The following DST variants were observed in gnomAD, a reference collection of about 807,000 sequenced individuals.
DST encodes the protein dystonin, also known as bullous pemphigoid antigen.
A neutral mutation model predicts 875.2 loss-of-function variants in DST; 253 were observed. The ratio of observed to expected loss-of-function variants is 0.29; its 90% confidence interval spans 0.26 to 0.32. The LOEUF (loss-of-function observed/expected upper bound fraction) is 0.32. DST is among the 10% of genes least tolerant of loss of function. The probability of loss-of-function intolerance (pLI) is 1.00; values close to 1 mark genes in which losing one functional copy is unlikely to be tolerated. For missense variants in DST, 8,287 were observed against 9,111.6 expected (o/e 0.91, Z 3.68); for synonymous variants, 3,124 against 3,197.1 (o/e 0.98, Z 0.77).
chr6:56,867,318 T>C (rs775787314), intron 3 of DST, among the ~76,000 whole-genome samples: 7 of 152,232 alleles, frequency 4.6e-5, no homozygotes, highest in African/African-American at 1.2e-4. Context: ...GCCTGACTCA[T>C]AGGAAGTGCT....
intron 55 of DST, among the ~76,000 whole-genome samples, 171 bp from the exon 56 acceptor site, chr6:56,562,371 T>A (rs867784040): frequency 6.6e-6 from 1 of 152,042 alleles, no homozygotes; most frequent in African/African-American, 2.4e-5. Flanking sequence ...TCCTCTCTTC[T>A]ATGTAAAATT....
At chr6:56,800,454 T>G (rs2099745357) in intron 4 of DST, among the ~76,000 whole-genome samples, 1 of 152,190 alleles carries the variant, frequency 6.6e-6, no homozygotes. Context: ...TTTAGTTTGT[T>G]TCTGAAGTTT....
intron 97 of DST, among the ~76,000 whole-genome samples, chr6:56,469,613 AAT>A (rs539477547): frequency 1.3e-5 from 2 of 152,126 alleles, no homozygotes; most frequent in Non-Finnish European, 2.9e-5. Flanking sequence ...AAGCAACCTA[AAT>A]ATATGAGATT....
Position 56,630,323 on chromosome 6 carries a change from G to C in DST, c.4203C>G (p.Leu1401=). The change falls in exon 31 of 104, where the codon CTC becomes CTG. Residue 1401 remains leucine, a synonymous_variant. Coordinates refer to ENST00000680361, the MANE Select transcript of DST (RefSeq NM_001374736.1). ...NTQAAEALVK[L]YETKLCEEEA... Reference sequence around the variant, plus strand: ...CTTCTTCACACAGTTTAGTTTCATAGAGTTTTACGAGGGCTTCTGCAGCTT... The same window carrying C: ...CTTCTTCACACAGTTTAGTTTCATACAGTTTTACGAGGGCTTCTGCAGCTT... 3 of 1,612,432 alleles carry C rather than the reference G, an allele frequency of 1.9e-6. No homozygotes were observed. The highest frequency in any genetic ancestry group is 2.5e-6 in the Non-Finnish European group (3 of 1,179,418).
intron 9 of DST, chr6:56,692,644 G>A (rs563862210): frequency 1.6e-6 from 2 of 1,289,654 alleles, no homozygotes; most frequent in African/African-American, 1.5e-5. Context: ...TTCCTGGAAT[G>A]TTATTTCGCT....
At chr6:56,587,768 A>T (rs1473210777) in intron 49 of DST, among the ~76,000 whole-genome samples, 1 of 152,102 alleles carries the variant, frequency 6.6e-6, no homozygotes, top group Non-Finnish European at 1.5e-5. Flanking sequence ...AACATTCTTA[A>T]AGAAAAGAAT....
chr6:56,465,104 T>C (rs1277257173), intron 99 of DST, among the ~76,000 whole-genome samples: 1 of 152,178 alleles, frequency 6.6e-6, no homozygotes, highest in Non-Finnish European at 1.5e-5. Context: ...CTCGCAGGTG[T>C]GTCTTTGGCC....
intron 4 of DST, among the ~76,000 whole-genome samples, chr6:56,812,894 A>C (rs2153038053): frequency 6.6e-6 from 1 of 152,194 alleles, no homozygotes; most frequent in Non-Finnish European, 1.5e-5. Context: ...GTATATACCC[A>C]AAGGACTATA....
At chr6:56,504,451 G>A (rs2096248389) in intron 77 of DST, among the ~76,000 whole-genome samples, 1 of 151,904 alleles carries the variant, frequency 6.6e-6, no homozygotes, top group South Asian at 2.1e-4. Context: ...TATACTGAAA[G>A]GAAAAGATTC....
chr6:56,820,561 TG>T (rs1451225560), intron 4 of DST, among the ~76,000 whole-genome samples: 1 of 152,188 alleles, frequency 6.6e-6, no homozygotes, highest in Non-Finnish European at 1.5e-5. Flanking sequence ...GTGGAAATAT[TG>T]TATGATATAG....
At chr6:56,592,837 G>A (rs998190832) in intron 48 of DST, among the ~76,000 whole-genome samples, 1 of 151,924 alleles carries the variant, frequency 6.6e-6, no homozygotes, top group Non-Finnish European at 1.5e-5. Context: ...AACTTGGCAA[G>A]TCTGTTCAGA....
chr6:56,635,609 C>A lies in DST; in HGVS notation c.3166G>T (p.Asp1056Tyr), dbSNP rs780419532. The change falls in exon 24 of 104, where the codon GAC becomes TAC. Residue 1056 changes from aspartate to tyrosine, a missense_variant. Asp to Tyr is a radical substitution (Grantham distance 160). Transcript: ENST00000680361. Reference sequence around the variant, plus strand: ...AGTACCATTGATTCCTGAACAAGGTCTTCTAGCTTGTGAATGCTGCTTGAT... The same window carrying A: ...AGTACCATTGATTCCTGAACAAGGTATTCTAGCTTGTGAATGCTGCTTGAT... ...DRSSSIHKLE[D>Y]LVQESMEEKE... is the part of the protein sequence containing the mutation. 6 of 1,613,954 alleles carry A rather than the reference C, an allele frequency of 3.7e-6. No individual in the cohort carries two copies. The highest frequency in any genetic ancestry group is 5.1e-6 in the Non-Finnish European group (6 of 1,179,908).
rs79541369 is a variant in DST, at chr6:56,464,452, G to A, written c.22759+233C>T. ...CACGGAGAACACTCCACAAGAACCC[G>A]GTGAGCAACGTGTTAGCATGTGTTT... On this transcript the variant is annotated intron_variant, in intron 100 of 103. Coordinates refer to ENST00000680361, the MANE Select transcript of DST (RefSeq NM_001374736.1). 1,723 of 539,134 alleles carry A rather than the reference G, an allele frequency of 3.2e-3. 15 individuals are homozygous for A. The highest frequency in any genetic ancestry group is 0.029 in the African/African-American group (1,519 of 52,990). 33.4% of individuals were successfully genotyped at this position (539,134 alleles called of 1,614,324 possible).
rs555704557 is a variant in DST, at chr6:56,554,073, C to CTT, written c.15137-420_15137-419dup. Among the ~76,000 whole-genome samples, 332 of 80,824 alleles carry CTT rather than the reference C, an allele frequency of 4.1e-3. 53 individuals carry two copies. Among genetic ancestry groups the CTT allele is most frequent in the African/African-American group, 7.7e-3 (153 of 19,972 alleles). 53.0% of individuals were successfully genotyped at this position (80,824 alleles called of 152,430 possible). On this transcript the variant is annotated intron_variant, in intron 60 of 103. Transcript: ENST00000680361. ...AAATATGACTTTTTCGCGTCTATGA[C>CTT]TTTTTTTTTTTTTTTTTTTTTTTTT...
chr6:56,606,072 T>C lies in DST; in HGVS notation c.8556A>G (p.Glu2852=). Reference sequence around the variant, plus strand: ...CCAGAAGAATCATTGTATTAATATTTTCATTTTCATCACTGTTTTCATTTA... The same window carrying C: ...CCAGAAGAATCATTGTATTAATATTCTCATTTTCATCACTGTTTTCATTTA... ...SILNENSDEN[E]NINTMILLDK... is the part of the protein sequence containing the mutation. The change falls in exon 40 of 104, where the codon GAA becomes GAG. Residue 2852 remains glutamate (E), a synonymous_variant. Coordinates refer to ENST00000680361, the MANE Select transcript of DST (RefSeq NM_001374736.1). The C allele has an allele frequency of 6.2e-7, 1 of 1,613,010 alleles. No individual in the cohort carries two copies. The highest frequency in any genetic ancestry group is 8.5e-7 in the Non-Finnish European group (1 of 1,179,286).
chr6:56,494,928 ATATTT>A (rs2095858797), intron 82 of DST, among the ~76,000 whole-genome samples: 1 of 152,062 alleles, frequency 6.6e-6, no homozygotes, highest in South Asian at 2.1e-4. Context: ...GAAAGATTAT[ATATTT>A]TATGTCTCAC....
At chr6:56,642,581 A>G (rs780262595) in intron 15 of DST, 78 bp from the exon 16 acceptor site, 1 of 1,613,354 alleles carries the variant, frequency 6.2e-7, no homozygotes, top group South Asian at 1.1e-5. Context: ...AGTGCTGCCC[A>G]TCAAAAAGTA....
In DST at chr6:56,603,437, C is replaced by A; in HGVS notation, c.10942-17G>T. On this transcript the variant is annotated splice_polypyrimidine_tract_variant and intron_variant, in intron 41 of 103. Transcript: ENST00000680361. ...TTCAAATGTCTGCAAAGAAATATAT[C>A]CCGGACCTATTTACTATTTAGTGAA... 6.2e-7 allele frequency: 1 copy of A among 1,606,136 alleles called. No homozygotes were observed. Among genetic ancestry groups the A allele is most frequent in the Non-Finnish European group, 8.5e-7 (1 of 1,177,004 alleles).
At position 56,605,049 on chromosome 6, in the gene DST, T is replaced by C; in HGVS notation, c.9579A>G (p.Ala3193=). Residue 3193 remains alanine, a synonymous_variant, in exon 40 of 104, where the codon GCA becomes GCG. Coordinates refer to ENST00000680361, the MANE Select transcript of DST (RefSeq NM_001374736.1). Reference sequence around the variant, plus strand: ...CTTCATTTGGTTTGGCTACATCTTTTGCTTTTATATTTTTAGCACAATGTT... The same window carrying C: ...CTTCATTTGGTTTGGCTACATCTTTCGCTTTTATATTTTTAGCACAATGTT... ...YLKHCAKNIK[A]KDVAKPNEDV... is the part of the protein sequence containing the mutation. 6.2e-7 allele frequency: 1 copy of C among 1,612,836 alleles called. No homozygotes were observed. The highest frequency in any genetic ancestry group is 1.1e-5 in the South Asian group (1 of 91,040).
Sources: allele counts gnomAD v4.1 joint callset (sites outside exome capture counted in the v4.1 genomes callset), GRCh38; gene constraint gnomAD v4.1.1; transcripts MANE v1.5; gene names NCBI Gene and HGNC (gene_info 2026-07-23, HGNC 2026-07-21).